SDCBP2: variants seen among roughly 807,000 people sequenced by gnomAD.
SDCBP2 encodes the protein syndecan binding protein 2.
A neutral mutation model predicts 30.7 loss-of-function variants in SDCBP2; 28 were observed. That is an observed-to-expected ratio of 0.91 (90% CI 0.68 to 1.25). The LOEUF is 1.25. SDCBP2 is among the 50% of genes most tolerant of loss of function. The pLI is 0.00. For missense variants in SDCBP2, 399 were observed against 379.0 expected, an observed-to-expected ratio of 1.05 and a Z score of -0.44; for synonymous variants, 166 against 157.3, an observed-to-expected ratio of 1.06 and a Z score of -0.41.
In SDCBP2 at chr20:1,321,982, T is replaced by C. The variant is rs1279072610; in HGVS notation, c.-19-1547A>G. On this transcript the variant is annotated intron_variant, in intron 1 of 8. Transcript: ENST00000360779. The surrounding 1 kb of genome is among the most constrained non-coding windows in gnomAD (Gnocchi z 5.2). The stretch of plus-strand genomic sequence containing the variant: ...CTATTGGCTGTTACACCCAGACCAT[T>C]GTACTCACTGGTGCCAAGTCCCAAT... 1.3e-5 allele frequency: 2 copies of C among 152,202 alleles called. No individual in the cohort carries two copies. The highest frequency in any genetic ancestry group is 2.9e-5 in the Non-Finnish European group (2 of 68,050). The allele number at this position is 152,202 out of a possible 1,614,324, so 9.4% of individuals were successfully genotyped here.
In SDCBP2 at chr20:1,312,322, C is replaced by G. The variant is rs199613758; in HGVS notation, c.732+15G>C. On this transcript the variant is annotated intron_variant, in intron 7 of 8. Transcript: ENST00000360779. Reference sequence around the variant, plus strand: ...ACCACCCGGCAGTCCCTCCCTGGTGCGGCCACCAGCCTACCTTCAGCCCGA... The same window carrying G: ...ACCACCCGGCAGTCCCTCCCTGGTGGGGCCACCAGCCTACCTTCAGCCCGA... 6.2e-7 allele frequency: 1 copy of G among 1,609,700 alleles called. No individual in the cohort carries two copies. Among genetic ancestry groups the G allele is most frequent in the Admixed American group, 1.7e-5 (1 of 59,830 alleles).
rs2088846561 is a variant in SDCBP2 at position 1,321,218 on chromosome 20, C to T, written c.-19-783G>A. On this transcript the variant is annotated intron_variant, in intron 1 of 8. Coordinates refer to ENST00000360779, the MANE Select transcript of SDCBP2 (RefSeq NM_080489.5). The surrounding 1 kb of genome is among the most constrained non-coding windows in gnomAD (Gnocchi z 5.2). ...GGGTAAAGGTGTGTCCTATTCACCC[C>T]ACTGAACTCACATGTGATGGGTACA... The T allele has an allele frequency of 6.6e-6, 1 of 152,300 alleles. No individual in the cohort carries two copies. The highest frequency in any genetic ancestry group is 1.5e-5 in the Non-Finnish European group (1 of 68,092). 9.4% of individuals were successfully genotyped at this position (152,300 alleles called of 1,614,324 possible).
At chr20:1,310,742 G>A (rs573332755) in intron 8 of SDCBP2, 58 bp downstream of exon 8, 1 of 1,455,632 alleles carries the variant, frequency 6.9e-7, no homozygotes, top group African/African-American at 1.4e-5. Flanking sequence ...GGGAGGCCGG[G>A]AGGTGAAGGG....
In SDCBP2 at chr20:1,319,651, G is replaced by T; in HGVS notation, c.63C>A (p.Val21=). 6.4e-7 allele frequency: 1 copy of T among 1,565,498 alleles called. No homozygotes were observed. Among genetic ancestry groups the T allele is most frequent in the South Asian group, 1.2e-5 (1 of 84,764 alleles). The part of the protein sequence containing the change: ...LKVDQAIQAQ[V]RASPKMPALP... ...GGGCTGGCATCTTGGGTGAGGCTCTGACCTGGGCCTGGGGAGGAGCAGGGA... is the reference window on the plus strand; with the variant it reads ...GGGCTGGCATCTTGGGTGAGGCTCTTACCTGGGCCTGGGGAGGAGCAGGGA... Residue 21 remains valine (V), a synonymous_variant, in exon 3 of 9, where the codon GTC becomes GTA. Coordinates refer to ENST00000360779, the MANE Select transcript of SDCBP2 (RefSeq NM_080489.5).
chr20:1,320,124 G>A lies in SDCBP2; in HGVS notation c.54+239C>T, dbSNP rs2088832435. Among the ~76,000 whole-genome samples, 1 of 152,206 alleles carries A rather than the reference G, an allele frequency of 6.6e-6. No individual in the cohort carries two copies. The highest frequency in any genetic ancestry group is 1.5e-5 in the Non-Finnish European group (1 of 68,022). On this transcript the variant is annotated intron_variant, in intron 2 of 8. Transcript: ENST00000360779. This position sits in a 1 kb window ranked among gnomAD's most constrained non-coding sequence, Gnocchi z 4.7. ...CTGGAGGGAGGGAGAGCTGGGCCTG[G>A]GCAGGACAGAGCAGGCATGAGAGAG...
Position 1,310,202 on chromosome 20 carries a change from C to A in SDCBP2, c.*239G>T. 2.3e-6 allele frequency: 1 copy of A among 440,012 alleles called. No homozygotes were observed. Among genetic ancestry groups the A allele is most frequent in the Non-Finnish European group, 4.1e-6 (1 of 246,790 alleles). 27.3% of individuals were successfully genotyped at this position (440,012 alleles called of 1,614,324 possible). On this transcript the variant is annotated 3_prime_UTR_variant, in exon 9 of 9. Coordinates refer to ENST00000360779, the MANE Select transcript of SDCBP2 (RefSeq NM_080489.5). The stretch of plus-strand genomic sequence containing the variant: ...CTGCCTCCGTGTCCAGCATTTAAAT[C>A]AGCACAAGAGAATCGGCTGCCTGTG...
intron 8 of SDCBP2, 112 bp downstream of exon 8, chr20:1,310,688 G>C (rs2088650313): frequency 1.9e-6 from 2 of 1,078,992 alleles, no homozygotes; most frequent in East Asian, 2.4e-5. Context: ...CCTGTGCCCT[G>C]TGTCAGCACT....
In SDCBP2 at chr20:1,312,855, G is replaced by C. The variant is rs1395081458; in HGVS notation, c.385-93C>G. ...TGTTGTTTTCCTCCTGATACTCCAG[G>C]AACCTACAGGGTGCCAGGGACACAG... On this transcript the variant is annotated intron_variant, in intron 5 of 8. Coordinates refer to ENST00000360779, the MANE Select transcript of SDCBP2 (RefSeq NM_080489.5). 13 of 1,367,404 alleles carry C rather than the reference G, an allele frequency of 9.5e-6. No individual in the cohort carries two copies. The Admixed American group carries it at 3.1e-4, about 32-fold the overall frequency. 84.7% of individuals were successfully genotyped at this position (1,367,404 alleles called of 1,614,324 possible).
rs2088725626 is a variant in SDCBP2 at position 1,313,750 on chromosome 20, C to A, written c.226-252G>T. ...GAAGGGGCGAGGATACAGGAAGAGG[C>A]CCTTCATTTCCCAAGGGAAACTGGC... On this transcript the variant is annotated intron_variant, in intron 4 of 8. Coordinates refer to ENST00000360779, the MANE Select transcript of SDCBP2 (RefSeq NM_080489.5). The surrounding 1 kb of genome is among the most constrained non-coding windows in gnomAD (Gnocchi z 5.2). 2.1e-6 allele frequency: 2 copies of A among 934,956 alleles called. No homozygotes were observed. Among genetic ancestry groups the A allele is most frequent in the Non-Finnish European group, 2.8e-6 (2 of 705,956 alleles). The allele number at this position is 934,956 out of a possible 1,614,324, so 57.9% of individuals were successfully genotyped here.
At chr20:1,327,210 A>T (rs1354684249) in intron 1 of SDCBP2, among the ~76,000 whole-genome samples, 2 of 152,180 alleles carry the variant, frequency 1.3e-5, no homozygotes, top group African/African-American at 4.8e-5. Context: ...ACTTTTTGAT[A>T]TAAGCAATAA....
chr20:1,319,920 A>G (rs1166019323), intron 2 of SDCBP2, among the ~76,000 whole-genome samples: 1 of 152,220 alleles, frequency 6.6e-6, no homozygotes, highest in Non-Finnish European at 1.5e-5. Flanking sequence ...CAGAACATCA[A>G]GGCCCATCTC....
chr20:1,319,733 G>A, intron 2 of SDCBP2, 74 bp from the exon 3 acceptor site: 1 of 1,314,784 alleles, frequency 7.6e-7, no homozygotes, highest in South Asian at 1.5e-5. Context: ...GCTCCATGAG[G>A]CCAGGGTCTG....
intron 3 of SDCBP2, 40 bp from the exon 4 acceptor site, chr20:1,318,458 G>A (rs1375951399): frequency 3.8e-6 from 5 of 1,326,380 alleles, no homozygotes; most frequent in Non-Finnish European, 4.2e-6. Flanking sequence ...GTCATTAGAG[G>A]ACATGTGCTT....
Position 1,318,326 on chromosome 20 carries a change from C to G in SDCBP2, c.217G>C (p.Gly73Arg). Reference sequence around the variant, plus strand: ...AGAAGCCAAATACATACACTGTCACCCTCTGGAATCTGAAGCAGGCTCTCC... The same window carrying G: ...AGAAGCCAAATACATACACTGTCACGCTCTGGAATCTGAAGCAGGCTCTCC... ...VQESLLQIPEGDSTAVSGPGP... is the reference protein window; with the variant it reads ...VQESLLQIPERDSTAVSGPGP... The change falls in exon 4 of 9, where the codon GGT (glycine) becomes CGT (arginine). Residue 73 changes from glycine to arginine, a missense_variant. Gly to Arg is a moderately radical substitution (Grantham distance 125). Transcript: ENST00000360779. The G allele has an allele frequency of 6.2e-7, 1 of 1,612,048 alleles. No homozygotes were observed. Among genetic ancestry groups the G allele is most frequent in the Non-Finnish European group, 8.5e-7 (1 of 1,178,186 alleles).
At position 1,313,068 on chromosome 20, in the gene SDCBP2, T is replaced by G; in HGVS notation, c.384+272A>C. The G allele has an allele frequency of 1.7e-6, 1 of 589,056 alleles. No individual in the cohort carries two copies. Among genetic ancestry groups the G allele is most frequent in the Non-Finnish European group, 3.0e-6 (1 of 331,892 alleles). 36.5% of individuals were successfully genotyped at this position (589,056 alleles called of 1,614,324 possible). ...GCTGTCTACACCGTCGCCTGGAAGC[T>G]AGATGCCCTGGGCAGCGAAGGGCAG... On this transcript the variant is annotated intron_variant, in intron 5 of 8. Coordinates refer to ENST00000360779, the MANE Select transcript of SDCBP2 (RefSeq NM_080489.5). The surrounding 1 kb of genome is among the most constrained non-coding windows in gnomAD (Gnocchi z 5.2).
At position 1,313,174 on chromosome 20, in the gene SDCBP2, C is replaced by T. The variant is rs2088706865; in HGVS notation, c.384+166G>A. On this transcript the variant is annotated intron_variant, in intron 5 of 8. Transcript: ENST00000360779. The surrounding 1 kb of genome is among the most constrained non-coding windows in gnomAD (Gnocchi z 5.2). ...GCCCTGCGCAACCCAGCACCAGCCC[C>T]GCCCGGGTCTCGGGGAGGAGGGACT... 1 of 750,388 alleles carries T rather than the reference C, an allele frequency of 1.3e-6. No individual in the cohort carries two copies. Among genetic ancestry groups the T allele is most frequent in the Non-Finnish European group, 2.2e-6 (1 of 459,518 alleles). 46.5% of individuals were successfully genotyped at this position (750,388 alleles called of 1,614,324 possible). A position where few individuals can be genotyped will look rare whatever the true frequency, so the allele number is the denominator to read the frequency against.
At chr20:1,318,465 G>T in intron 3 of SDCBP2, 47 bp from the exon 4 acceptor site, 1 of 1,193,854 alleles carries the variant, frequency 8.4e-7, no homozygotes, top group Non-Finnish European at 1.2e-6. Context: ...GAGGACATGT[G>T]CTTCCCTATG....
intron 7 of SDCBP2, chr20:1,311,158 AG>A: frequency 2.4e-6 from 1 of 410,076 alleles, no homozygotes; most frequent in Non-Finnish European, 4.4e-6. Flanking sequence ...CTCAGCTTGA[AG>A]GCCAGCGGTG....
chr20:1,313,330 C>A lies in SDCBP2; in HGVS notation c.384+10G>T. On this transcript the variant is annotated intron_variant, in intron 5 of 8. Coordinates refer to ENST00000360779, the MANE Select transcript of SDCBP2 (RefSeq NM_080489.5). The surrounding 1 kb of genome is among the most constrained non-coding windows in gnomAD (Gnocchi z 5.2). The stretch of plus-strand genomic sequence containing the variant: ...CGAGCTCCTCTTCCCACCCAGCCCC[C>A]GCGCCCTACCTGGTCGACCTTCCGC... 1.9e-6 allele frequency: 3 copies of A among 1,609,886 alleles called. No homozygotes were observed. Among genetic ancestry groups the A allele is most frequent in the African/African-American group, 1.3e-5 (1 of 75,012 alleles).
Sources: gnomAD v4.1 joint callset for allele counts (sites outside exome capture counted in the v4.1 genomes callset) on GRCh38, gnomAD v4.1.1 for gene constraint, Gnocchi (gnomAD v3.1) non-coding constraint, MANE v1.5 for transcripts, NCBI Gene and HGNC (gene_info 2026-07-23, HGNC 2026-07-21) for gene names.